The following CYBRD1 variants were observed in gnomAD, a reference collection of about 807,000 sequenced individuals.
CYBRD1 encodes plasma membrane ascorbate-dependent reductase CYBRD1.
CYBRD1 carries 14 observed loss-of-function variants against 21.9 expected under a neutral mutation model. The ratio of observed to expected loss-of-function variants is 0.64; its 90% CI spans 0.42 to 1.00. The LOEUF (loss-of-function observed/expected upper bound fraction) is 1.00, where lower values mean the gene tolerates loss of function less well. Among genes scored for constraint, CYBRD1 ranks in the 50% least tolerant of loss-of-function variants. CYBRD1 has a pLI of 0.00. For synonymous variants in CYBRD1, 146 were observed against 136.5 expected, an observed-to-expected ratio of 1.07 and a Z score of -0.48; for missense variants, 328 against 352.5, an observed-to-expected ratio of 0.93 and a Z score of 0.56.
Position 171,555,134 on chromosome 2 carries a change from C to T in CYBRD1, c.*307C>T, listed in dbSNP as rs1060248. Reference sequence around the variant, plus strand: ...TACTCAATATGTGAATATGTGTCTACTAGTAGTTAATTGGATAAACTGGCA... The same window carrying T: ...TACTCAATATGTGAATATGTGTCTATTAGTAGTTAATTGGATAAACTGGCA... On this transcript the variant is annotated 3_prime_UTR_variant, in exon 4 of 4. Coordinates refer to ENST00000321348, the MANE Select transcript of CYBRD1 (RefSeq NM_024843.4). 0.13 allele frequency: 47,521 copies of T among 353,880 alleles called. 3,516 individuals are homozygous for T. Among genetic ancestry groups the T allele is most frequent in the South Asian group, 0.15 (4,934 of 32,844 alleles). The allele number at this position is 353,880 out of a possible 1,614,324, so 21.9% of individuals were successfully genotyped here. A position where few individuals can be genotyped will look rare whatever the true frequency, so the allele number is the denominator to read the frequency against.
intron 1 of CYBRD1, among the ~76,000 whole-genome samples, chr2:171,529,825 A>G (rs143650148): frequency 2.0e-5 from 3 of 152,334 alleles, no homozygotes; most frequent in Non-Finnish European, 2.9e-5. Context: ...ACCTACTTCT[A>G]TGATCCCTGC....
chr2:171,548,268 C>T (rs79508154), intron 2 of CYBRD1, among the ~76,000 whole-genome samples: 3,595 of 152,238 alleles, frequency 0.024, 124 homozygotes, highest in African/African-American at 0.081. Flanking sequence ...TCTCAGCTTC[C>T]ACCCTAGATC....
Position 171,522,763 on chromosome 2 carries a change from C to T in CYBRD1, c.193+25C>T. 1 of 1,612,640 alleles carries T rather than the reference C, an allele frequency of 6.2e-7. No individual in the cohort carries two copies. The highest frequency in any genetic ancestry group is 8.5e-7 in the Non-Finnish European group (1 of 1,179,616). On this transcript the variant is annotated intron_variant, in intron 1 of 3. Coordinates refer to ENST00000321348, the MANE Select transcript of CYBRD1 (RefSeq NM_024843.4). This position sits in a 1 kb window ranked among gnomAD's most constrained non-coding sequence, Gnocchi z 4.3. ...GGTACTGGCACCTCCTGGGGGGGTGCGGGGAGGAAAGCGGGGAGAACGGCG... is the reference window on the plus strand; with the variant it reads ...GGTACTGGCACCTCCTGGGGGGGTGTGGGGAGGAAAGCGGGGAGAACGGCG...
rs186302710 is a variant in CYBRD1 at position 171,529,260 on chromosome 2, G to A, written c.193+6522G>A. 1.0e-3 allele frequency among the ~76,000 whole-genome samples: 153 copies of A among 152,224 alleles called. 1 individual carries two copies. Among genetic ancestry groups the A allele is most frequent in the African/African-American group, 3.3e-3 (139 of 41,540 alleles). On this transcript the variant is annotated intron_variant, in intron 1 of 3. Transcript: ENST00000321348. ...GACACGAGAAACTGCTGCCAGGGGC[G>A]GTGGCTCATGCCTGTAATCCCAGCA... is the stretch of plus-strand genomic sequence containing the variant.
intron 1 of CYBRD1, among the ~76,000 whole-genome samples, chr2:171,534,997 C>T (rs762548058): frequency 5.9e-5 from 9 of 152,080 alleles, no homozygotes; most frequent in East Asian, 3.9e-4. Flanking sequence ...GCCAAGATTG[C>T]GCCACTACAC....
intron 1 of CYBRD1, among the ~76,000 whole-genome samples, chr2:171,538,301 G>A (rs1349121933): frequency 6.6e-6 from 1 of 152,112 alleles, no homozygotes; most frequent in Non-Finnish European, 1.5e-5. Context: ...AATACTTATG[G>A]AGGAGCTACA....
chr2:171,537,005 A>G (rs759734311), intron 1 of CYBRD1, among the ~76,000 whole-genome samples: 2 of 152,200 alleles, frequency 1.3e-5, no homozygotes, highest in Non-Finnish European at 2.9e-5. Flanking sequence ...TTGAGGAGGG[A>G]CAAACTACTT....
At chr2:171,553,892 A>G (rs944249903) in intron 3 of CYBRD1, among the ~76,000 whole-genome samples, 1 of 152,236 alleles carries the variant, frequency 6.6e-6, no homozygotes, top group African/African-American at 2.4e-5. Context: ...GACAAAACAC[A>G]CAAACAAAGC....
In CYBRD1 at chr2:171,541,598, C is replaced by T. The variant is rs1478284528; in HGVS notation, c.207C>T (p.Tyr69=). Residue 69 remains tyrosine, a synonymous_variant, in exon 2 of 4, where the codon TAC becomes TAT. Transcript: ENST00000321348. ...GTCTTTCCCTAGCCATCATCGTCTA[C>T]AGACTGCCGTGGACCTGGAAATGCA... ...VFIQGIAIIV[Y]RLPWTWKCSK... 2.5e-6 allele frequency: 4 copies of T among 1,613,814 alleles called. No individual in the cohort carries two copies. The highest frequency in any genetic ancestry group is 8.5e-7 in the Non-Finnish European group (1 of 1,179,918).
intron 2 of CYBRD1, among the ~76,000 whole-genome samples, chr2:171,543,648 T>TAAACAAG (rs1470192725): frequency 1.3e-5 from 2 of 152,212 alleles, no homozygotes; most frequent in East Asian, 3.8e-4. Context: ...ATTGATTAAT[T>TAAACAAG]AAACAAGATG....
intron 1 of CYBRD1, among the ~76,000 whole-genome samples, chr2:171,528,671 GC>G (rs1370059361): frequency 6.6e-6 from 1 of 152,040 alleles, no homozygotes; most frequent in Non-Finnish European, 1.5e-5. Context: ...TGTATATTCA[GC>G]CCAGACTCTT....
chr2:171,553,477 G>A lies in CYBRD1; in HGVS notation c.534G>A (p.Leu178=). 1 of 1,612,030 alleles carries A rather than the reference G, an allele frequency of 6.2e-7. No homozygotes were observed. Among genetic ancestry groups the A allele is most frequent in the African/African-American group, 1.3e-5 (1 of 74,986 alleles). Residue 178 remains leucine (L), a synonymous_variant, in exon 3 of 4, where the codon TTG becomes TTA. Transcript: ENST00000321348. Reference sequence around the variant, plus strand: ...TGATTGCAACAGCACTTATGGGATTGACAGAGAAACTGATTTTTTCCCTGT... The same window carrying A: ...TGATTGCAACAGCACTTATGGGATTAACAGAGAAACTGATTTTTTCCCTGT... ...GTVIATALMG[L]TEKLIFSLRD...
At chr2:171,529,541 A>AAG (rs1348104450) in intron 1 of CYBRD1, among the ~76,000 whole-genome samples, 1 of 150,658 alleles carries the variant, frequency 6.6e-6, no homozygotes, top group Admixed American at 6.6e-5. Flanking sequence ...CAAAAAAAAA[A>AAG]AAAAAAAAAA....
intron 1 of CYBRD1, among the ~76,000 whole-genome samples, chr2:171,524,517 T>C (rs973903699): frequency 6.6e-6 from 1 of 152,252 alleles, no homozygotes; most frequent in African/African-American, 2.4e-5. Flanking sequence ...TATTGCTCGT[T>C]GCCTGACTTG....
intron 3 of CYBRD1, 90 bp downstream of exon 3, chr2:171,553,590 A>C (rs1273147988): frequency 3.5e-6 from 4 of 1,142,930 alleles, no homozygotes; most frequent in South Asian, 4.6e-5. Flanking sequence ...AATATAACAA[A>C]ATTTTTTAGA....
intron 1 of CYBRD1, among the ~76,000 whole-genome samples, chr2:171,527,807 G>GTA (rs1697406694): frequency 6.6e-6 from 1 of 152,014 alleles, no homozygotes; most frequent in African/African-American, 2.4e-5. Flanking sequence ...TCTTGACCCT[G>GTA]TATATCCCTC....
At chr2:171,523,793 C>A (rs983828560) in intron 1 of CYBRD1, among the ~76,000 whole-genome samples, 2 of 152,178 alleles carry the variant, frequency 1.3e-5, no homozygotes, top group African/African-American at 4.8e-5. Flanking sequence ...TAGCTTTTGG[C>A]GCAAACACCA....
chr2:171,547,639 G>T (rs1697736734), intron 2 of CYBRD1, among the ~76,000 whole-genome samples: 1 of 152,130 alleles, frequency 6.6e-6, no homozygotes, highest in South Asian at 2.1e-4. Flanking sequence ...TTGAAGAAAA[G>T]AATTGTTGGC....
chr2:171,522,586 G>C lies in CYBRD1; in HGVS notation c.41G>C (p.Gly14Ala). The C allele has an allele frequency of 6.2e-7, 1 of 1,611,566 alleles. No individual in the cohort carries two copies. The highest frequency in any genetic ancestry group is 8.5e-7 in the Non-Finnish European group (1 of 1,179,250). Residue 14 changes from glycine (G) to alanine (A), a missense_variant, in exon 1 of 4, where the codon GGG (glycine) becomes GCG (alanine). Transcript: ENST00000321348. This position sits in a 1 kb window ranked among gnomAD's most constrained non-coding sequence, Gnocchi z 4.3. ...TACTGGCGCTTCCTGGCGCTGCTGGGGTCGGCACTGCTCGTCGGCTTCCTG... is the reference window on the plus strand; with the variant it reads ...TACTGGCGCTTCCTGGCGCTGCTGGCGTCGGCACTGCTCGTCGGCTTCCTG... ...EGYWRFLALL[G>A]SALLVGFLSV... is the part of the protein sequence containing the mutation.
Sources: allele counts gnomAD v4.1 joint callset (sites outside exome capture counted in the v4.1 genomes callset), GRCh38; gene constraint gnomAD v4.1.1; non-coding constraint Gnocchi (gnomAD v3.1); transcripts MANE v1.5; gene names NCBI Gene and HGNC (gene_info 2026-07-23, HGNC 2026-07-21).